CERT1: variants seen among roughly 807,000 people sequenced by gnomAD.
CERT1 encodes the protein ceramide transfer protein.
In CERT1, 31 loss-of-function variants were observed where a neutral mutation model predicts 87.9. That is an observed-to-expected ratio of 0.35 (90% CI 0.27 to 0.48). CERT1 has a LOEUF of 0.48. Among genes scored for constraint, CERT1 ranks in the 20% least tolerant of loss-of-function variants. CERT1 has a pLI of 0.99. For synonymous variants in CERT1, 289 were observed against 250.9 expected (o/e 1.15, Z -1.44); for missense variants, 487 against 758.0 (o/e 0.64, Z 4.20).
chr5:75,471,754 CAAAAAAAAAAA>C (rs796209502), intron 2 of CERT1, among the ~76,000 whole-genome samples: 8 of 50,790 alleles, frequency 1.6e-4, no homozygotes, highest in African/African-American at 4.0e-4. Context: ...GACTTCATCT[CAAAAAAAAAAA>C]AAAAAAAAAA....
rs1174995743 is a variant in CERT1, at chr5:75,507,311, A to T, written c.97-1195T>A. 3.3e-5 allele frequency among the ~76,000 whole-genome samples: 5 copies of T among 152,084 alleles called. No individual in the cohort carries two copies. The South Asian group carries it at 8.3e-4, about 25-fold the overall frequency. ...TTTTTTGTAGAAATGAGGTTTCGCT[A>T]TGGTGCCAAGGCTCGTCTCAAACTC... On this transcript the variant is annotated intron_variant, in intron 1 of 16. Coordinates refer to ENST00000643780, the MANE Select transcript of CERT1 (RefSeq NM_001379029.1).
rs1436191557 is a variant in CERT1 at position 75,412,016 on chromosome 5, C to T, written c.838-913G>A. Among the ~76,000 whole-genome samples, 3 of 152,158 alleles carry T rather than the reference C, an allele frequency of 2.0e-5. No individual in the cohort carries two copies. The South Asian group carries it at 6.2e-4, about 32-fold the overall frequency. ...TATAGCTCTAAAAGGTTAAAAGACC[C>T]AGGGTCAACACTTAAAATAACAAAG... On this transcript the variant is annotated intron_variant, in intron 7 of 16. Coordinates refer to ENST00000643780, the MANE Select transcript of CERT1 (RefSeq NM_001379029.1).
At chr5:75,503,908 T>C (rs1767526421) in intron 2 of CERT1, among the ~76,000 whole-genome samples, 1 of 151,794 alleles carries the variant, frequency 6.6e-6, no homozygotes. Context: ...AATTAAATGT[T>C]TAATTTAAAA....
chr5:75,478,909 T>TAAAAAAAAAAA lies in CERT1; in HGVS notation c.232-19739_232-19729dup, dbSNP rs11438163. ...AAATCTTGAGCTTGAAAGTAAGTAC[T>TAAAAAAAAAAA]AAAAAAAAAAAAAAAAAAAAAAAAA... On this transcript the variant is annotated intron_variant, in intron 2 of 16. Transcript: ENST00000643780. Among the ~76,000 whole-genome samples, 9 of 21,766 alleles carry TAAAAAAAAAAA rather than the reference T, an allele frequency of 4.1e-4. 1 individual carries two copies. Among genetic ancestry groups the TAAAAAAAAAAA allele is most frequent in the Admixed American group, 7.8e-4 (1 of 1,274 alleles). 14.3% of individuals were successfully genotyped at this position (21,766 alleles called of 152,430 possible).
chr5:75,500,914 T>C (rs1035008741), intron 2 of CERT1, among the ~76,000 whole-genome samples: 2 of 152,196 alleles, frequency 1.3e-5, no homozygotes, highest in African/African-American at 2.4e-5. Flanking sequence ...ACTTTCAAAA[T>C]TTATGTTTAT....
At chr5:75,420,547 G>T (rs570839001) in intron 5 of CERT1, among the ~76,000 whole-genome samples, 2 of 152,052 alleles carry the variant, frequency 1.3e-5, no homozygotes, top group Non-Finnish European at 2.9e-5. Flanking sequence ...GTTTGACCAT[G>T]TTAGCCAGGA....
At chr5:75,463,321 T>G (rs901756220) in intron 2 of CERT1, among the ~76,000 whole-genome samples, 3 of 152,164 alleles carry the variant, frequency 2.0e-5, no homozygotes, top group Non-Finnish European at 4.4e-5. Context: ...TTTTGTCCAT[T>G]AGAATTTTTT....
chr5:75,447,445 A>AATTTATTTATTT (rs376050463), intron 3 of CERT1, among the ~76,000 whole-genome samples: 8,636 of 148,970 alleles, frequency 0.058, 305 homozygotes, highest in South Asian at 0.11. Flanking sequence ...TTTTAAAAAA[A>AATTTATTTATTT]ATTTATTTAT....
chr5:75,437,780 A>G (rs985492311), intron 3 of CERT1, among the ~76,000 whole-genome samples: 2 of 149,900 alleles, frequency 1.3e-5, no homozygotes, highest in Admixed American at 1.3e-4. Flanking sequence ...AAAAAAAAAA[A>G]AAAAAAGAAA....
chr5:75,397,119 C>T (rs758608310), intron 11 of CERT1, among the ~76,000 whole-genome samples: 4 of 152,206 alleles, frequency 2.6e-5, no homozygotes, highest in African/African-American at 4.8e-5. Flanking sequence ...AACTGCTGAA[C>T]ATAAGGCACA....
In CERT1 at chr5:75,462,397, G is replaced by A. The variant is rs188618163; in HGVS notation, c.232-3216C>T. On this transcript the variant is annotated intron_variant, in intron 2 of 16. Transcript: ENST00000643780. ...AAGGAGCGTGCAACCTAGATCCCTCGCATAAATAGTTCACGATAGGGTTTG... is the reference window on the plus strand; with the variant it reads ...AAGGAGCGTGCAACCTAGATCCCTCACATAAATAGTTCACGATAGGGTTTG... Among the ~76,000 whole-genome samples, 109 of 152,208 alleles carry A rather than the reference G, an allele frequency of 7.2e-4. 1 individual carries two copies. The highest frequency in any genetic ancestry group is 2.6e-3 in the African/African-American group (106 of 41,530).
chr5:75,503,716 T>C (rs762352473), intron 2 of CERT1, among the ~76,000 whole-genome samples: 25 of 151,880 alleles, frequency 1.6e-4, no homozygotes, highest in Non-Finnish European at 3.1e-4. Flanking sequence ...TTCCTACGCA[T>C]GTCTTTTACT....
chr5:75,498,189 C>T (rs1412967091), intron 2 of CERT1, among the ~76,000 whole-genome samples: 1 of 152,078 alleles, frequency 6.6e-6, no homozygotes, highest in African/African-American at 2.4e-5. Flanking sequence ...GGTGGCAAAG[C>T]ATTCAAGATG....
downstream of CERT1, chr5:75,375,876 G>A (rs1414419276): frequency 6.7e-6 from 1 of 149,944 alleles, no homozygotes; most frequent in Non-Finnish European, 1.5e-5. Context: ...TTACGTTACA[G>A]TAACAAAGAT....
rs927293479 is a variant in CERT1 at position 75,405,604 on chromosome 5, C to T, written c.931-2546G>A. Among the ~76,000 whole-genome samples, 4 of 152,142 alleles carry T rather than the reference C, an allele frequency of 2.6e-5. No individual in the cohort carries two copies. In the East Asian group the frequency reaches 5.8e-4, roughly 22 times the overall value. On this transcript the variant is annotated intron_variant, in intron 8 of 16. Coordinates refer to ENST00000643780, the MANE Select transcript of CERT1 (RefSeq NM_001379029.1). ...ATTCCTTCCTTTTCCCTCATTCAAT[C>T]ATCACACCCTTCAATTCTACTTTCC...
intron 11 of CERT1, among the ~76,000 whole-genome samples, chr5:75,392,827 G>A (rs377406764): frequency 1.7e-4 from 26 of 151,500 alleles, no homozygotes; most frequent in East Asian, 9.7e-4. Context: ...AAAATTGGCC[G>A]GGCGTGGTGG....
chr5:75,464,869 CA>C (rs1765395747), intron 2 of CERT1, among the ~76,000 whole-genome samples: 1 of 152,168 alleles, frequency 6.6e-6, no homozygotes, highest in African/African-American at 2.4e-5. Context: ...TGAGCCACCG[CA>C]AGTGGCCCGG....
At chr5:75,450,558 C>T (rs1377612929) in intron 3 of CERT1, among the ~76,000 whole-genome samples, 1 of 152,120 alleles carries the variant, frequency 6.6e-6, no homozygotes, top group Non-Finnish European at 1.5e-5. Flanking sequence ...TTTTTCTGAT[C>T]CCGAAGAGAC....
At chr5:75,455,915 T>G (rs554768359) in intron 3 of CERT1, among the ~76,000 whole-genome samples, 1 of 152,324 alleles carries the variant, frequency 6.6e-6, no homozygotes, top group South Asian at 2.1e-4. Flanking sequence ...TTTTTCAGGA[T>G]AGTAGGGAGA....
Sources: allele counts gnomAD v4.1 joint callset (sites outside exome capture counted in the v4.1 genomes callset), GRCh38; gene constraint gnomAD v4.1.1; transcripts MANE v1.5; gene names NCBI Gene and HGNC (gene_info 2026-07-23, HGNC 2026-07-21).